SPOCK1: variants seen among roughly 807,000 people sequenced by gnomAD.
The protein encoded by SPOCK1 is SPARC (osteonectin), cwcv and kazal like domains proteoglycan 1, also known as testican-1.
A neutral mutation model predicts 55.3 loss-of-function variants in SPOCK1; 23 were observed. That is an observed-to-expected ratio of 0.42 (90% CI 0.30 to 0.59). SPOCK1 has a LOEUF of 0.59. Among genes scored for constraint, SPOCK1 ranks in the 20% least tolerant of loss-of-function variants. The probability of loss-of-function intolerance (pLI) is 0.22; values close to 1 mark genes in which losing one functional copy is unlikely to be tolerated. For synonymous variants in SPOCK1, 226 were observed against 221.0 expected (o/e 1.02, Z -0.20); for missense variants, 499 against 552.5 (o/e 0.90, Z 0.97).
At chr5:137,291,691 G>A (rs190323570) in intron 2 of SPOCK1, among the ~76,000 whole-genome samples, 3 of 152,334 alleles carry the variant, frequency 2.0e-5, no homozygotes, top group African/African-American at 7.2e-5. Flanking sequence ...GCTGATGGGA[G>A]GCTTGGACAT....
chr5:137,274,311 A>G (rs1757021727), intron 2 of SPOCK1, among the ~76,000 whole-genome samples: 1 of 152,206 alleles, frequency 6.6e-6, no homozygotes, highest in South Asian at 2.1e-4. Flanking sequence ...CAAGGAGTTA[A>G]AGTCAGAGAA....
intron 2 of SPOCK1, among the ~76,000 whole-genome samples, chr5:137,276,631 A>G (rs186491780): frequency 3.3e-4 from 50 of 152,334 alleles, no homozygotes; most frequent in African/African-American, 1.2e-3. Context: ...CTTGGACTGC[A>G]GCTCCACAAC....
chr5:137,367,462 C>T (rs975474417), intron 2 of SPOCK1, among the ~76,000 whole-genome samples: 1 of 152,066 alleles, frequency 6.6e-6, no homozygotes, highest in East Asian at 1.9e-4. Flanking sequence ...AGACAAGGCA[C>T]CTGGGGGACA....
chr5:137,021,783 CA>C (rs1751579135), intron 6 of SPOCK1, among the ~76,000 whole-genome samples: 1 of 151,992 alleles, frequency 6.6e-6, no homozygotes, highest in Non-Finnish European at 1.5e-5. Flanking sequence ...AAGAAGATGA[CA>C]ATATTTTCCA....
At chr5:137,134,840 T>C (rs551059296) in intron 4 of SPOCK1, among the ~76,000 whole-genome samples, 142 of 152,372 alleles carry the variant, frequency 9.3e-4, no homozygotes, top group Admixed American at 1.7e-3. Flanking sequence ...TTGAGGCACA[T>C]TCTGTGATGT....
At chr5:137,261,091 G>A (rs1415841505) in intron 3 of SPOCK1, among the ~76,000 whole-genome samples, 1 of 152,060 alleles carries the variant, frequency 6.6e-6, no homozygotes, top group African/African-American at 2.4e-5. Context: ...CAGCTCCAGG[G>A]ATCAGATAAG....
At chr5:137,021,287 T>A (rs1436618006) in intron 6 of SPOCK1, among the ~76,000 whole-genome samples, 1 of 152,122 alleles carries the variant, frequency 6.6e-6, no homozygotes, top group Non-Finnish European at 1.5e-5. Context: ...TATGATTCCA[T>A]CTACAAAAAT....
intron 2 of SPOCK1, among the ~76,000 whole-genome samples, chr5:137,488,551 A>G (rs936073503): frequency 6.6e-5 from 10 of 152,226 alleles, no homozygotes; most frequent in African/African-American, 1.9e-4. Flanking sequence ...CCACTCTAAC[A>G]GACCGCTCTG....
chr5:137,260,468 A>G (rs1256410752), intron 3 of SPOCK1, among the ~76,000 whole-genome samples: 1 of 152,260 alleles, frequency 6.6e-6, no homozygotes, highest in African/African-American at 2.4e-5. Context: ...TGTAAAATAT[A>G]TAATGTAACA....
intron 6 of SPOCK1, among the ~76,000 whole-genome samples, chr5:137,002,434 C>A (rs1580702085): frequency 6.6e-6 from 1 of 150,514 alleles, no homozygotes; most frequent in African/African-American, 2.5e-5. Context: ...ATGAAATAAG[C>A]TTTTAAAGCT....
At chr5:137,160,577 A>T (rs1438161981) in intron 3 of SPOCK1, among the ~76,000 whole-genome samples, 1 of 58,246 alleles carries the variant, frequency 1.7e-5, no homozygotes, top group Non-Finnish European at 3.2e-5. Context: ...TATATTATAT[A>T]ATATATATAA....
chr5:137,108,815 A>C (rs567958373), intron 5 of SPOCK1, among the ~76,000 whole-genome samples: 1 of 152,298 alleles, frequency 6.6e-6, no homozygotes, highest in East Asian at 1.9e-4. Flanking sequence ...TCTTATGAAG[A>C]ATCCGAAGTC....
chr5:137,046,167 T>C (rs370563401), intron 6 of SPOCK1, among the ~76,000 whole-genome samples: 1,829 of 87,296 alleles, frequency 0.021, 34 homozygotes, highest in East Asian at 0.083. Flanking sequence ...AGTAGTTTTT[T>C]CCAATTCTGT....
At chr5:137,141,552 A>G (rs367754150) in intron 3 of SPOCK1, among the ~76,000 whole-genome samples, 4 of 152,226 alleles carry the variant, frequency 2.6e-5, no homozygotes, top group African/African-American at 9.6e-5. Flanking sequence ...ACACATAAAT[A>G]TTTATTGTGC....
At chr5:137,472,923 T>G (rs974107585) in intron 2 of SPOCK1, among the ~76,000 whole-genome samples, 1 of 152,184 alleles carries the variant, frequency 6.6e-6, no homozygotes, top group Non-Finnish European at 1.5e-5. Flanking sequence ...TCCTCACCTA[T>G]CCTGCTTGCA....
intron 2 of SPOCK1, among the ~76,000 whole-genome samples, chr5:137,370,613 C>T (rs191146614): frequency 5.8e-4 from 88 of 152,332 alleles, no homozygotes; most frequent in African/African-American, 1.9e-3. Context: ...AACACCCAAC[C>T]CAGTGACACA....
chr5:137,367,041 TTTTTG>T (rs778338423), intron 2 of SPOCK1, among the ~76,000 whole-genome samples: 2 of 152,164 alleles, frequency 1.3e-5, no homozygotes, highest in Non-Finnish European at 2.9e-5. Flanking sequence ...GATTCCAGTG[TTTTTG>T]TTTTGTCAAT....
intron 6 of SPOCK1, among the ~76,000 whole-genome samples, chr5:137,024,992 T>G (rs1268228962): frequency 6.6e-6 from 1 of 152,188 alleles, no homozygotes; most frequent in Non-Finnish European, 1.5e-5. Flanking sequence ...TGCGAAGGGA[T>G]GTAAACCAGT....
At chr5:137,131,555 C>T (rs1204802219) in intron 4 of SPOCK1, among the ~76,000 whole-genome samples, 1 of 151,654 alleles carries the variant, frequency 6.6e-6, no homozygotes, top group East Asian at 2.0e-4. Flanking sequence ...TTGCAGTGAG[C>T]AGAGATCATG....
Sources: gnomAD v4.1 joint callset for allele counts (sites outside exome capture counted in the v4.1 genomes callset) on GRCh38, gnomAD v4.1.1 for gene constraint, MANE v1.5 for transcripts, NCBI Gene and HGNC (gene_info 2026-07-23, HGNC 2026-07-21) for gene names.